The following CDK5RAP2 variants were observed in gnomAD, a reference collection of about 807,000 sequenced individuals.
The protein encoded by CDK5RAP2 is CDK5 regulatory subunit-associated protein 2.
Under a neutral mutation model 232.9 loss-of-function variants are expected in CDK5RAP2, and 147 were observed. That is an observed-to-expected ratio of 0.63 (90% CI 0.55 to 0.72). The LOEUF is 0.72. CDK5RAP2 is among the 30% of genes least tolerant of loss of function. The pLI is 0.00. For synonymous variants in CDK5RAP2, 833 were observed against 833.7 expected (o/e 1.00, Z 0.01); for missense variants, 2,195 against 2,231.5 (o/e 0.98, Z 0.33).
chr9:120,415,273 T>G, intron 27 of CDK5RAP2, 114 bp from the exon 28 acceptor site: 3 of 1,236,558 alleles, frequency 2.4e-6, no homozygotes, highest in Non-Finnish European at 3.5e-6. Flanking sequence ...GTTAAGATGG[T>G]TAGCAACTGG....
intron 24 of CDK5RAP2, 131 bp downstream of exon 24, chr9:120,439,268 C>T: frequency 1.2e-6 from 1 of 863,702 alleles, no homozygotes; most frequent in Non-Finnish European, 1.9e-6. Flanking sequence ...TGAACCCCAC[C>T]ATCAAGCCTT....
At chr9:120,390,068 C>T (rs2131181040) in intron 36 of CDK5RAP2, 1 of 426,508 alleles carries the variant, frequency 2.3e-6, no homozygotes, top group East Asian at 4.6e-5. Context: ...GTTCAGAGAA[C>T]ACCCTACAGC....
At chr9:120,445,501 C>G (rs1267164394) in intron 22 of CDK5RAP2, among the ~76,000 whole-genome samples, 1 of 152,198 alleles carries the variant, frequency 6.6e-6, no homozygotes, top group Non-Finnish European at 1.5e-5. Flanking sequence ...TCTCTGCAAC[C>G]CATGCCAATC....
In CDK5RAP2 at chr9:120,539,095, C is replaced by G; in HGVS notation, c.453G>C (p.Lys151Asn). The G allele has an allele frequency of 1.2e-6, 2 of 1,614,030 alleles. No individual in the cohort carries two copies. Among genetic ancestry groups the G allele is most frequent in the Non-Finnish European group, 8.5e-7 (1 of 1,179,882 alleles). The change falls in exon 6 of 38, where the codon AAG (lysine) becomes AAC (asparagine). Residue 151 changes from lysine to asparagine, a missense_variant. Lys to Asn is a moderately conservative substitution (Grantham distance 94, BLOSUM62 0). Transcript: ENST00000349780. Reference protein sequence around the residue: ...EIQRVKEDARKKVQQVEDLLT... With the variant: ...EIQRVKEDARNKVQQVEDLLT... ...GGAGATCTTCCACCTGCTGCACCTT[C>G]TTTCGAGCATCTTCTTTCACCCGCT...
At chr9:120,471,964 T>C (rs746521073) in intron 15 of CDK5RAP2, 86 bp from the exon 16 acceptor site, 19 of 1,552,980 alleles carry the variant, frequency 1.2e-5, no homozygotes, top group East Asian at 2.2e-5. Flanking sequence ...CTGTGATTTT[T>C]ATGTCATTTG....
At chr9:120,472,041 A>G (rs1170969917) in intron 15 of CDK5RAP2, among the ~76,000 whole-genome samples, 163 bp from the exon 16 acceptor site, 2 of 152,232 alleles carry the variant, frequency 1.3e-5, no homozygotes, top group Non-Finnish European at 2.9e-5. Flanking sequence ...AACAGTATAA[A>G]GAAAACAAAA....
rs574975139 is a variant in CDK5RAP2 at position 120,469,896 on chromosome 9, C to T, written c.1968+215G>A. On this transcript the variant is annotated intron_variant, in intron 17 of 37. Coordinates refer to ENST00000349780, the MANE Select transcript of CDK5RAP2 (RefSeq NM_018249.6). ...CCAGAGAGCTTTTCCTCAAGGAGAT[C>T]GAGCCTGGCTGGGTTCTCAGGCCTG... Among the ~76,000 whole-genome samples the T allele has an allele frequency of 5.3e-5, 8 of 152,118 alleles. No homozygotes were observed. In the South Asian group the frequency reaches 1.7e-3, roughly 32 times the overall value.
At chr9:120,407,717 A>AT (rs1486925976) in intron 31 of CDK5RAP2, 1 of 163,122 alleles carries the variant, frequency 6.1e-6, no homozygotes. Flanking sequence ...AAAATAAAAA[A>AT]AAAAAAAAAA....
At chr9:120,394,372 T>A in intron 36 of CDK5RAP2, 140 bp downstream of exon 36, 1 of 1,335,054 alleles carries the variant, frequency 7.5e-7, no homozygotes, top group Non-Finnish European at 1.1e-6. Flanking sequence ...TCAGAAAGGA[T>A]GGAGTATGAA....
chr9:120,569,628 G>A (rs1449581661), intron 2 of CDK5RAP2, among the ~76,000 whole-genome samples: 1 of 152,184 alleles, frequency 6.6e-6, no homozygotes, highest in Non-Finnish European at 1.5e-5. Flanking sequence ...AACAAAGGGG[G>A]ATAGCAGGAC....
intron 34 of CDK5RAP2, among the ~76,000 whole-genome samples, chr9:120,402,237 A>G (rs2033089473): frequency 6.6e-6 from 1 of 151,916 alleles, no homozygotes; most frequent in South Asian, 2.1e-4. Flanking sequence ...GGTCGAAGCT[A>G]CAGTGAGCCA....
intron 3 of CDK5RAP2, among the ~76,000 whole-genome samples, chr9:120,552,921 A>G (rs972815515): frequency 1.3e-5 from 2 of 152,180 alleles, no homozygotes; most frequent in South Asian, 2.1e-4. Context: ...AAAGAGATAA[A>G]GCAAATACAG....
rs990697745 is a variant in CDK5RAP2, at chr9:120,505,678, A to C, written c.1311+12749T>G. Among the ~76,000 whole-genome samples, 170 of 152,352 alleles carry C rather than the reference A, an allele frequency of 1.1e-3. 1 individual carries two copies. The highest frequency in any genetic ancestry group is 4.0e-3 in the African/African-American group (166 of 41,584). On this transcript the variant is annotated intron_variant, in intron 12 of 37. Coordinates refer to ENST00000349780, the MANE Select transcript of CDK5RAP2 (RefSeq NM_018249.6). ...CTACTCCAGTGAACACATGAATGGT[A>C]AGAAAGCTAAACAGCCTTGCTGATA...
chr9:120,520,463 G>A (rs2040566197), intron 11 of CDK5RAP2, among the ~76,000 whole-genome samples: 1 of 152,140 alleles, frequency 6.6e-6, no homozygotes, highest in African/African-American at 2.4e-5. Context: ...CCAATATGGT[G>A]AAACCCCCAT....
chr9:120,471,987 G>A (rs1818297951), intron 15 of CDK5RAP2, 109 bp from the exon 16 acceptor site: 2 of 1,415,712 alleles, frequency 1.4e-6, no homozygotes, highest in East Asian at 2.3e-5. Context: ...TTTTTTTCTG[G>A]TTATAAAAGT....
At chr9:120,480,524 C>A (rs1221844402) in intron 14 of CDK5RAP2, among the ~76,000 whole-genome samples, 1 of 152,176 alleles carries the variant, frequency 6.6e-6, no homozygotes, top group Non-Finnish European at 1.5e-5. Context: ...TTATACTCAC[C>A]ACCATATCTT....
chr9:120,455,270 G>C (rs935900181), intron 20 of CDK5RAP2, among the ~76,000 whole-genome samples: 4 of 150,828 alleles, frequency 2.7e-5, no homozygotes, highest in African/African-American at 9.7e-5. Context: ...AAATGGAACA[G>C]TCTAAGCATG....
At chr9:120,513,116 C>T (rs1386127815) in intron 12 of CDK5RAP2, among the ~76,000 whole-genome samples, 1 of 152,168 alleles carries the variant, frequency 6.6e-6, no homozygotes, top group Admixed American at 6.5e-5. Context: ...ATTGAATACG[C>T]ACCAAGTCAA....
intron 25 of CDK5RAP2, among the ~76,000 whole-genome samples, chr9:120,436,663 G>A (rs2035599394): frequency 6.6e-6 from 1 of 152,086 alleles, no homozygotes; most frequent in African/African-American, 2.4e-5. Context: ...GATAATAATA[G>A]AGCGCGTGTG....
Sources: gnomAD v4.1 joint callset for allele counts (sites outside exome capture counted in the v4.1 genomes callset) on GRCh38, gnomAD v4.1.1 for gene constraint, MANE v1.5 for transcripts, NCBI Gene and HGNC (gene_info 2026-07-23, HGNC 2026-07-21) for gene names.